Variants in ANK1 observed in about 807,000 individuals in gnomAD.
ANK1 encodes the protein ankyrin 1.
In ANK1, 51 loss-of-function variants were observed where a neutral mutation model predicts 210.4. The observed-to-expected ratio is 0.24, with a 90% CI of 0.19 to 0.31. The LOEUF (loss-of-function observed/expected upper bound fraction) is 0.31. ANK1 is among the 10% of genes least tolerant of loss of function. ANK1 has a pLI of 1.00. For missense variants in ANK1, 2,051 were observed against 2,504.4 expected (o/e 0.82, Z 3.86); for synonymous variants, 967 against 1,025.9 (o/e 0.94, Z 1.10).
At chr8:41,850,840 G>A (rs186900044) in intron 1 of ANK1, among the ~76,000 whole-genome samples, 7 of 152,134 alleles carry the variant, frequency 4.6e-5, no homozygotes, top group Non-Finnish European at 1.0e-4. Flanking sequence ...CAATATGCCT[G>A]AAGCCTCGGC....
intron 1 of ANK1, among the ~76,000 whole-genome samples, chr8:41,894,673 C>T (rs375765466): frequency 1.9e-4 from 29 of 152,090 alleles, no homozygotes; most frequent in African/African-American, 6.5e-4. Context: ...CGGAGAGGAG[C>T]GCCTTGGCTT....
In ANK1 at chr8:41,654,641, C is replaced by T. The variant is rs1350123769; in HGVS notation, c.*1149G>A. 2 of 152,732 alleles carry T rather than the reference C, an allele frequency of 1.3e-5. No individual in the cohort carries two copies. Among genetic ancestry groups the T allele is most frequent in the Admixed American group, 6.5e-5 (1 of 15,294 alleles). The allele number at this position is 152,732 out of a possible 1,614,324, so 9.5% of individuals were successfully genotyped here. A position where few individuals can be genotyped will look rare whatever the true frequency, so the allele number is the denominator to read the frequency against. Reference sequence around the variant, plus strand: ...CAGGCCACAGCTCCTTCTCCTGCAGCCGCAGAAGTCCTCAGGAGCTGCGCT... The same window carrying T: ...CAGGCCACAGCTCCTTCTCCTGCAGTCGCAGAAGTCCTCAGGAGCTGCGCT... On this transcript the variant is annotated 3_prime_UTR_variant, in exon 43 of 43. Coordinates refer to ENST00000289734, the MANE Select transcript of ANK1 (RefSeq NM_000037.4).
intron 1 of ANK1, among the ~76,000 whole-genome samples, chr8:41,835,597 CG>C (rs1807526841): frequency 6.6e-6 from 1 of 152,064 alleles, no homozygotes; most frequent in African/African-American, 2.4e-5. Context: ...AGGGGAGGAG[CG>C]GGGAGCAGGG....
At chr8:41,833,848 A>G (rs1201986640) in intron 1 of ANK1, among the ~76,000 whole-genome samples, 1 of 152,184 alleles carries the variant, frequency 6.6e-6, no homozygotes, top group Non-Finnish European at 1.5e-5. Context: ...GGAATCCTGG[A>G]GCGCTGAGGA....
At chr8:41,783,064 A>C (rs979175149) in intron 1 of ANK1, among the ~76,000 whole-genome samples, 1 of 152,232 alleles carries the variant, frequency 6.6e-6, no homozygotes, top group Non-Finnish European at 1.5e-5. Context: ...GCCCAGGAGG[A>C]GGAAGAAATT....
At chr8:41,780,268 G>A (rs1047812928) in intron 1 of ANK1, among the ~76,000 whole-genome samples, 2 of 152,190 alleles carry the variant, frequency 1.3e-5, no homozygotes, top group Non-Finnish European at 2.9e-5. Flanking sequence ...CAAGCAATCC[G>A]ACCACCTCAG....
intron 1 of ANK1, among the ~76,000 whole-genome samples, chr8:41,758,400 CA>C (rs1839682998): frequency 1.3e-5 from 2 of 152,212 alleles, no homozygotes; most frequent in Non-Finnish European, 2.9e-5. Context: ...TGCTGGAGTG[CA>C]GTGGCACAAG....
At chr8:41,701,655 A>C in intron 21 of ANK1, 33 bp from the exon 22 acceptor site, 1 of 1,601,644 alleles carries the variant, frequency 6.2e-7, no homozygotes, top group Middle Eastern at 1.7e-4. Context: ...ATTCAACCCA[A>C]ACTAGAGCCG....
chr8:41,814,888 A>G (rs978167594), intron 1 of ANK1, among the ~76,000 whole-genome samples: 6 of 152,156 alleles, frequency 3.9e-5, no homozygotes, highest in Non-Finnish European at 8.8e-5. Flanking sequence ...CCTACTTGAT[A>G]ATGCTTTCCA....
At chr8:41,880,126 A>G (rs1348794835) in intron 1 of ANK1, among the ~76,000 whole-genome samples, 1 of 152,258 alleles carries the variant, frequency 6.6e-6, no homozygotes, top group Non-Finnish European at 1.5e-5. Context: ...GTTAGGAGAA[A>G]GAAGAAAAAC....
At chr8:41,820,520 G>A (rs1350952669) in intron 1 of ANK1, among the ~76,000 whole-genome samples, 4 of 151,902 alleles carry the variant, frequency 2.6e-5, no homozygotes, top group Admixed American at 6.6e-5. Flanking sequence ...GACCACACTC[G>A]GCAGGCACAG....
chr8:41,725,017 G>A (rs907346901), intron 6 of ANK1, among the ~76,000 whole-genome samples: 2 of 152,110 alleles, frequency 1.3e-5, no homozygotes, highest in African/African-American at 4.8e-5. Flanking sequence ...ACACCATCAT[G>A]CCCAGCTAAT....
At chr8:41,734,521 G>A (rs1454510646) in intron 2 of ANK1, among the ~76,000 whole-genome samples, 1 of 152,208 alleles carries the variant, frequency 6.6e-6, no homozygotes, top group Non-Finnish European at 1.5e-5. Context: ...GTTAAACTCT[G>A]AAGCAAGGTC....
intron 1 of ANK1, among the ~76,000 whole-genome samples, chr8:41,831,833 C>T (rs548345395): frequency 6.6e-6 from 1 of 152,308 alleles, no homozygotes; most frequent in African/African-American, 2.4e-5. Context: ...ACCGCAGCAC[C>T]TCGTACAGTG....
rs118082819 is a variant in ANK1, at chr8:41,833,399, T to C, written c.126+62956A>G. Among the ~76,000 whole-genome samples, 830 of 152,326 alleles carry C rather than the reference T, an allele frequency of 5.4e-3. 9 individuals carry two copies. The highest frequency in any genetic ancestry group is 9.6e-3 in the East Asian group (50 of 5,188). On this transcript the variant is annotated intron_variant, in intron 1 of 42. Coordinates refer to the ANK1 transcript ENST00000265709. ...GTAGGGAAGGGGGTGGTGCCTCCTT[T>C]CTGGGGCTTTTTATTTTGCCATTAA...
intron 1 of ANK1, among the ~76,000 whole-genome samples, chr8:41,820,398 G>C: frequency 6.6e-6 from 1 of 150,866 alleles, no homozygotes. Context: ...GTCTCCCTAT[G>C]CTGCTTAGGC....
rs1270625256 is a variant in ANK1, at chr8:41,702,025, G to A, written c.2388+27C>T. 6.9e-6 allele frequency: 11 copies of A among 1,596,838 alleles called. 1 individual carries two copies. The highest frequency in any genetic ancestry group is 3.3e-5 in the South Asian group (3 of 90,694). On this transcript the variant is annotated intron_variant, in intron 21 of 42. Coordinates refer to ENST00000289734, the MANE Select transcript of ANK1 (RefSeq NM_000037.4). ...GTGCGCCAGGCTGAGTGTGTCTGGG[G>A]TGGGTGCGGGGGAGAGGCAGACATA...
chr8:41,656,814 C>T (rs542163960), intron 42 of ANK1, among the ~76,000 whole-genome samples: 1 of 152,156 alleles, frequency 6.6e-6, no homozygotes, highest in Non-Finnish European at 1.5e-5. Context: ...GAGAACTCAG[C>T]TCTTGGGTGG....
At chr8:41,889,260 C>G (rs1213224528) in intron 1 of ANK1, among the ~76,000 whole-genome samples, 1 of 152,168 alleles carries the variant, frequency 6.6e-6, no homozygotes, top group Non-Finnish European at 1.5e-5. Context: ...TGTTAATAAG[C>G]TTTGGAGTCA....
Sources: allele counts gnomAD v4.1 joint callset (sites outside exome capture counted in the v4.1 genomes callset), GRCh38; gene constraint gnomAD v4.1.1; transcripts MANE v1.5; gene names NCBI Gene and HGNC (gene_info 2026-07-23, HGNC 2026-07-21).